Variants in MBNL3 observed in about 807,000 individuals in gnomAD.
The protein encoded by MBNL3 is muscleblind-like protein 3.
A neutral mutation model predicts 24.5 loss-of-function variants in MBNL3; 6 were observed. The observed-to-expected ratio is 0.25, with a 90% CI of 0.13 to 0.48. MBNL3 has a LOEUF of 0.48. Ranked by LOEUF, MBNL3 falls within the 20% of genes least tolerant of loss-of-function variation. The probability of loss-of-function intolerance (pLI) is 0.99; values close to 1 mark genes in which losing one functional copy is unlikely to be tolerated. For synonymous variants in MBNL3, 100 were observed against 101.7 expected (o/e 0.98, Z 0.10); for missense variants, 230 against 293.5 (o/e 0.78, Z 1.58).
At chrX:132,441,512 C>G (rs1288839944) in intron 1 of MBNL3, among the ~76,000 whole-genome samples, 1 of 112,304 alleles carries the variant, frequency 8.9e-6, no homozygotes, top group African/African-American at 3.2e-5. Flanking sequence ...GGACCATGTT[C>G]TAGAGCGTTG....
At chrX:132,439,369 C>T in intron 2 of MBNL3, 66 bp downstream of exon 2, 1 of 1,053,297 alleles carries the variant, frequency 9.5e-7, no homozygotes, top group African/African-American at 1.9e-5. Flanking sequence ...CATTTCAAAG[C>T]ACATCATATT....
chrX:132,396,371 C>A (rs1312392963), intron 3 of MBNL3, among the ~76,000 whole-genome samples: 2 of 82,782 alleles, frequency 2.4e-5, no homozygotes, highest in Non-Finnish European at 4.5e-5. Flanking sequence ...TATATATATT[C>A]ATATATATTC....
At chrX:132,484,524 A>C (rs1416636899) in intron 1 of MBNL3, among the ~76,000 whole-genome samples, 1 of 111,636 alleles carries the variant, frequency 9.0e-6, no homozygotes, top group African/African-American at 3.3e-5. Flanking sequence ...CAATGCCAAG[A>C]AGCTCAGGAT....
chrX:132,407,331 A>G (rs1039556337), intron 2 of MBNL3, among the ~76,000 whole-genome samples: 9 of 112,085 alleles, frequency 8.0e-5, no homozygotes, highest in Non-Finnish European at 9.4e-5. Context: ...AGGTGGCTCT[A>G]TTGTTTTACC....
intron 3 of MBNL3, among the ~76,000 whole-genome samples, chrX:132,403,783 G>A (rs576608704): frequency 9.0e-6 from 1 of 111,307 alleles, no homozygotes; most frequent in East Asian, 2.8e-4. Context: ...CTGATTCCCT[G>A]AAACAAGGCA....
At position 132,379,648 on chromosome X, in the gene MBNL3, A is replaced by G. The variant is rs373987536; in HGVS notation, c.*18T>C. ...GAGGTTTCCATGGAAAGATTCTGAT[A>G]CTCCATAACTCTGCTGTTCAGAATT... On this transcript the variant is annotated 3_prime_UTR_variant, in exon 9 of 9. Transcript: ENST00000370853. 5 of 1,192,787 alleles carry G rather than the reference A, an allele frequency of 4.2e-6. No homozygotes were observed. In the African/African-American group the frequency reaches 5.3e-5, roughly 13 times the overall value.
At chrX:132,413,380 C>T in intron 2 of MBNL3, 1 of 700,311 alleles carries the variant, frequency 1.4e-6, no homozygotes, top group Non-Finnish European at 2.1e-6. Flanking sequence ...AAGTATGCCC[C>T]ATACAATATG....
chrX:132,468,782 C>T (rs1947021398), intron 1 of MBNL3, among the ~76,000 whole-genome samples: 1 of 111,860 alleles, frequency 8.9e-6, no homozygotes, highest in Non-Finnish European at 1.9e-5. Flanking sequence ...CTCTGTACTG[C>T]CTCTAATGGG....
At chrX:132,463,814 A>G (rs1160954795) in intron 1 of MBNL3, among the ~76,000 whole-genome samples, 2 of 112,370 alleles carry the variant, frequency 1.8e-5, no homozygotes, top group African/African-American at 6.5e-5. Context: ...AGCAATTCCT[A>G]TCACTGTGTA....
chrX:132,464,898 A>G (rs970345784), intron 1 of MBNL3, among the ~76,000 whole-genome samples: 1 of 110,820 alleles, frequency 9.0e-6, no homozygotes, highest in African/African-American at 3.3e-5. Flanking sequence ...ATAAAAAATT[A>G]GCTGGGCGTG....
chrX:132,441,856 C>T (rs1349783977), intron 1 of MBNL3, among the ~76,000 whole-genome samples: 1 of 111,840 alleles, frequency 8.9e-6, no homozygotes, highest in Non-Finnish European at 1.9e-5. Flanking sequence ...GTGTCCATTA[C>T]CAGATGAATG....
chrX:132,432,718 A>G (rs766960372), intron 2 of MBNL3: 1 of 111,947 alleles, frequency 8.9e-6, no homozygotes, highest in Admixed American at 9.5e-5. Flanking sequence ...TGTATATACC[A>G]TATTTTGTTG....
intron 1 of MBNL3, among the ~76,000 whole-genome samples, chrX:132,484,668 C>T (rs1947907208): frequency 9.0e-6 from 1 of 111,528 alleles, no homozygotes; most frequent in African/African-American, 3.3e-5. Context: ...TACTGCCAAC[C>T]CCCTGCATTT....
chrX:132,455,818 G>T (rs1946342174), intron 1 of MBNL3, among the ~76,000 whole-genome samples: 1 of 112,084 alleles, frequency 8.9e-6, no homozygotes, highest in African/African-American at 3.2e-5. Flanking sequence ...AATCCCTGGA[G>T]AAAGGCAATC....
intron 8 of MBNL3, chrX:132,381,555 C>T (rs1468379131): frequency 3.6e-5 from 13 of 358,636 alleles, no homozygotes. Flanking sequence ...CAAAATGGCC[C>T]TAATACTATA....
At chrX:132,396,512 A>C (rs185852059) in intron 3 of MBNL3, among the ~76,000 whole-genome samples, 690 of 51,781 alleles carry the variant, frequency 0.013, 20 homozygotes, top group African/African-American at 0.081. Context: ...ATATATATTC[A>C]TATATATTCA....
intron 2 of MBNL3, among the ~76,000 whole-genome samples, chrX:132,427,355 T>C (rs1328527893): frequency 9.0e-6 from 1 of 111,484 alleles, no homozygotes; most frequent in Non-Finnish European, 1.9e-5. Context: ...TGGTTCTATA[T>C]AGAACACTTT....
chrX:132,398,505 G>A (rs1940240779), intron 3 of MBNL3, among the ~76,000 whole-genome samples: 2 of 111,849 alleles, frequency 1.8e-5, no homozygotes, highest in Admixed American at 9.5e-5. Flanking sequence ...ATGGATTGTA[G>A]TAATAGTATC....
chrX:132,394,516 G>A (rs1010775282), intron 3 of MBNL3, among the ~76,000 whole-genome samples: 6 of 111,839 alleles, frequency 5.4e-5, no homozygotes, highest in Admixed American at 9.5e-5. Context: ...TGACTTTCCT[G>A]GTAAATTTCT....
Sources: gnomAD v4.1 joint callset for allele counts (sites outside exome capture counted in the v4.1 genomes callset) on GRCh38, gnomAD v4.1.1 for gene constraint, MANE v1.5 for transcripts, NCBI Gene and HGNC (gene_info 2026-07-23, HGNC 2026-07-21) for gene names.